ZNF385B: variants seen among roughly 807,000 people sequenced by gnomAD.
ZNF385B encodes the protein zinc finger protein 533.
A neutral mutation model predicts 39.2 loss-of-function variants in ZNF385B; 23 were observed. The observed-to-expected ratio is 0.59, with a 90% CI of 0.42 to 0.83. The LOEUF is 0.83. Ranked by LOEUF, ZNF385B falls within the 40% of genes least tolerant of loss-of-function variation. The probability of loss-of-function intolerance (pLI) is 0.00; values close to 1 mark genes in which losing one functional copy is unlikely to be tolerated. For missense variants in ZNF385B, 552 were observed against 598.9 expected (o/e 0.92, Z 0.82); for synonymous variants, 205 against 222.6 (o/e 0.92, Z 0.70).
At chr2:179,688,311 T>C (rs1698081583) in intron 3 of ZNF385B, among the ~76,000 whole-genome samples, 1 of 152,098 alleles carries the variant, frequency 6.6e-6, no homozygotes, top group Non-Finnish European at 1.5e-5. Flanking sequence ...TTTCAGAATA[T>C]TCAAGGAAAG....
At chr2:179,706,059 T>C (rs1699571873) in intron 3 of ZNF385B, among the ~76,000 whole-genome samples, 1 of 152,180 alleles carries the variant, frequency 6.6e-6, no homozygotes, top group South Asian at 2.1e-4. Context: ...GGCCCTATGG[T>C]ATAAAAAGAA....
chr2:179,758,358 G>A (rs982254366), intron 3 of ZNF385B, among the ~76,000 whole-genome samples: 9 of 152,214 alleles, frequency 5.9e-5, no homozygotes, highest in South Asian at 2.1e-4. Context: ...CCAAGATGAC[G>A]CCTTGTTGCT....
intron 5 of ZNF385B, among the ~76,000 whole-genome samples, chr2:179,518,288 A>T (rs1307985478): frequency 6.6e-6 from 1 of 152,096 alleles, no homozygotes. Flanking sequence ...AATATTTTCG[A>T]TGTGATCTAG....
intron 1 of ZNF385B, among the ~76,000 whole-genome samples, chr2:179,799,567 C>T (rs531619410): frequency 5.3e-5 from 8 of 152,052 alleles, no homozygotes; most frequent in Middle Eastern, 3.4e-3. Context: ...TGGAAAAACT[C>T]GTAGTCAGAA....
chr2:179,641,201 CTA>C (rs5836691), intron 3 of ZNF385B, among the ~76,000 whole-genome samples: 139,995 of 151,906 alleles, frequency 0.92, 64,665 homozygotes, highest in African/African-American at 0.95. Flanking sequence ...TAGCCATCTG[CTA>C]TAAAACGTTT....
At chr2:179,712,577 T>C (rs1700074032) in intron 3 of ZNF385B, among the ~76,000 whole-genome samples, 1 of 152,138 alleles carries the variant, frequency 6.6e-6, no homozygotes, top group Non-Finnish European at 1.5e-5. Flanking sequence ...CCACCACCAC[T>C]AGTGTAGTTT....
intron 4 of ZNF385B, among the ~76,000 whole-genome samples, chr2:179,533,621 G>C (rs539096008): frequency 6.6e-6 from 1 of 152,066 alleles, no homozygotes; most frequent in Admixed American, 6.6e-5. Flanking sequence ...GGAGGGGGAG[G>C]AGTGGGTAGG....
At chr2:179,825,653 T>C (rs1027964084) in intron 1 of ZNF385B, among the ~76,000 whole-genome samples, 3 of 152,136 alleles carry the variant, frequency 2.0e-5, no homozygotes, top group Non-Finnish European at 4.4e-5. Context: ...TAAGGAGTAA[T>C]GATGTTTTAA....
intron 3 of ZNF385B, among the ~76,000 whole-genome samples, chr2:179,591,734 T>C (rs1390359989): frequency 1.3e-5 from 2 of 152,044 alleles, no homozygotes. Flanking sequence ...CCCCCATAAA[T>C]TGGATATGAT....
rs1442966346 is a variant in ZNF385B, at chr2:179,642,757, ATATACT to A, written c.299-97794_299-97789del. ...ACTAATAGTTTTTGTCTTTATCACC[ATATACT>A]TATAATTTTAAACAGAAAAAGAAAT... On this transcript the variant is annotated intron_variant, in intron 3 of 9. Transcript: ENST00000410066. Among the ~76,000 whole-genome samples the A allele has an allele frequency of 3.9e-5, 6 of 152,336 alleles. No individual in the cohort carries two copies. In the East Asian group the frequency reaches 9.6e-4, roughly 24 times the overall value.
At chr2:179,706,172 C>T (rs528906368) in intron 3 of ZNF385B, among the ~76,000 whole-genome samples, 13 of 152,184 alleles carry the variant, frequency 8.5e-5, no homozygotes, top group Non-Finnish European at 1.3e-4. Flanking sequence ...CCATGGAATT[C>T]AGTCTGTACA....
intron 3 of ZNF385B, among the ~76,000 whole-genome samples, chr2:179,675,444 G>A (rs546421388): frequency 1.3e-5 from 2 of 152,238 alleles, no homozygotes; most frequent in East Asian, 1.9e-4. Flanking sequence ...TTCAATAATC[G>A]GGTCTTTTGA....
chr2:179,510,004 T>G (rs1476267250), intron 5 of ZNF385B, among the ~76,000 whole-genome samples: 1 of 152,250 alleles, frequency 6.6e-6, no homozygotes, highest in Non-Finnish European at 1.5e-5. Context: ...GAGAGGCTAC[T>G]ATTTGCATGG....
At chr2:179,745,773 A>C (rs980212364) in intron 3 of ZNF385B, 7 of 1,532,628 alleles carry the variant, frequency 4.6e-6, no homozygotes, top group Non-Finnish European at 6.1e-6. Context: ...AGAGCAACCA[A>C]GTTGGATAAA....
intron 3 of ZNF385B, among the ~76,000 whole-genome samples, chr2:179,601,842 C>A (rs187134389): frequency 1.0e-3 from 152 of 152,206 alleles, no homozygotes; most frequent in African/African-American, 3.6e-3. Context: ...TTTTAAACAC[C>A]TTTTGCCCCA....
intron 3 of ZNF385B, among the ~76,000 whole-genome samples, chr2:179,719,260 T>C (rs550027903): frequency 1.3e-5 from 2 of 152,166 alleles, no homozygotes; most frequent in Non-Finnish European, 2.9e-5. Context: ...TGACCATTCC[T>C]ATTGCATGAG....
At chr2:179,707,681 TA>T (rs1288723033) in intron 3 of ZNF385B, among the ~76,000 whole-genome samples, 3 of 152,032 alleles carry the variant, frequency 2.0e-5, no homozygotes, top group Admixed American at 6.6e-5. Context: ...GCCCCCAACT[TA>T]GGGGAAATGG....
intron 5 of ZNF385B, among the ~76,000 whole-genome samples, chr2:179,493,541 A>AT (rs2055546035): frequency 6.6e-6 from 1 of 150,894 alleles, no homozygotes; most frequent in Non-Finnish European, 1.5e-5. Context: ...ATATGCGTAT[A>AT]CATACGTGTA....
chr2:179,763,377 T>C (rs1363505231), intron 3 of ZNF385B, among the ~76,000 whole-genome samples: 1 of 152,228 alleles, frequency 6.6e-6, no homozygotes, highest in African/African-American at 2.4e-5. Flanking sequence ...TATCTTCTTC[T>C]TTCTTCTTGT....
Sources: gnomAD v4.1 joint callset for allele counts (sites outside exome capture counted in the v4.1 genomes callset) on GRCh38, gnomAD v4.1.1 for gene constraint, MANE v1.5 for transcripts, NCBI Gene and HGNC (gene_info 2026-07-23, HGNC 2026-07-21) for gene names.